The following LRRC18 variants were observed in gnomAD, a reference collection of about 807,000 sequenced individuals.
LRRC18 encodes the protein leucine-rich repeat-containing protein 18.
LRRC18 carries 12 observed loss-of-function variants against 11.2 expected under a neutral mutation model. That is an observed-to-expected ratio of 1.07 (90% CI 0.69 to 1.74). The LOEUF (loss-of-function observed/expected upper bound fraction) is 1.74. Ranked by LOEUF, LRRC18 falls within the 40% of genes most tolerant of loss-of-function variation. The pLI is 0.00. For synonymous variants in LRRC18, 155 were observed against 130.6 expected (o/e 1.19, Z -1.27); for missense variants, 374 against 330.5 (o/e 1.13, Z -1.02).
At chr10:48,936,657 G>A in the LRRC18 span, among the ~76,000 whole-genome samples, 6 of 151,878 alleles carry the variant, frequency 4.0e-5, 1 homozygote, top group African/African-American at 1.4e-4. Context: ...CTAACACAGT[G>A]AAACCCCGTC....
the LRRC18 span, among the ~76,000 whole-genome samples, chr10:48,926,612 G>A: frequency 2.0e-5 from 3 of 152,140 alleles, no homozygotes; most frequent in African/African-American, 7.2e-5. Context: ...CCCATTGTCT[G>A]CTCACTCCAC....
the LRRC18 span, among the ~76,000 whole-genome samples, chr10:48,936,086 A>C: frequency 1.3e-5 from 2 of 152,208 alleles, no homozygotes. Flanking sequence ...ATTAGAAAAT[A>C]AATTAACTAG....
chr10:48,937,978 G>A, the LRRC18 span, among the ~76,000 whole-genome samples: 1 of 152,180 alleles, frequency 6.6e-6, no homozygotes, highest in African/African-American at 2.4e-5. Flanking sequence ...CCCTACCCAG[G>A]AAGCCTCGCC....
At chr10:48,937,131 T>G in the LRRC18 span, among the ~76,000 whole-genome samples, 39 of 152,060 alleles carry the variant, frequency 2.6e-4, no homozygotes, top group African/African-American at 9.2e-4. Context: ...TGACCTCAGG[T>G]GATCCGCCCA....
At chr10:48,915,444 A>G (rs1391057643), upstream of LRRC18, among the ~76,000 whole-genome samples, 1 of 151,668 alleles carries the variant, frequency 6.6e-6, no homozygotes, top group Non-Finnish European at 1.5e-5. Flanking sequence ...AAGATTTCCA[A>G]ACCAGGCAGA....
At chr10:48,923,506 A>ATATATG in the LRRC18 span, among the ~76,000 whole-genome samples, 572 of 115,166 alleles carry the variant, frequency 5.0e-3, 81 homozygotes, top group Non-Finnish European at 8.9e-3. Context: ...GTATATATAT[A>ATATATG]TATATATGTC....
At chr10:48,910,901 A>T in intron 1 of LRRC18, 2 of 985,240 alleles carry the variant, frequency 2.0e-6, no homozygotes, top group Non-Finnish European at 2.4e-6. Flanking sequence ...TGTAACCTCG[A>T]TGTTTCTCTT....
intron 1 of LRRC18, 106 bp downstream of exon 3, chr10:48,913,286 G>T: frequency 9.4e-7 from 1 of 1,061,760 alleles, no homozygotes; most frequent in Non-Finnish European, 1.4e-6. Flanking sequence ...GGCTGAAAGA[G>T]CTGCTGCAGC....
the LRRC18 span, among the ~76,000 whole-genome samples, chr10:48,939,114 C>T: frequency 2.6e-5 from 4 of 152,192 alleles, no homozygotes; most frequent in Non-Finnish European, 5.9e-5. Context: ...TGAGCAGGTG[C>T]CCAGGTTCCC....
At chr10:48,936,190 A>T in the LRRC18 span, among the ~76,000 whole-genome samples, 18 of 152,180 alleles carry the variant, frequency 1.2e-4, no homozygotes, top group African/African-American at 4.1e-4. Context: ...AATGACTTCA[A>T]TTTAGAAATA....
chr10:48,916,944 A>G (rs578167741), upstream of LRRC18, among the ~76,000 whole-genome samples: 46 of 151,796 alleles, frequency 3.0e-4, no homozygotes, highest in African/African-American at 1.1e-3. Context: ...GTTTTGGTCA[A>G]TGACAGATTG....
intron 1 of LRRC18, among the ~76,000 whole-genome samples, chr10:48,910,614 C>T (rs1039508680): frequency 2.0e-5 from 3 of 152,162 alleles, no homozygotes; most frequent in Admixed American, 2.0e-4. Flanking sequence ...CATTTCCTGG[C>T]TAAAGAGGTG....
the LRRC18 span, among the ~76,000 whole-genome samples, chr10:48,924,006 G>A: frequency 6.6e-6 from 1 of 152,226 alleles, no homozygotes; most frequent in African/African-American, 2.4e-5. Context: ...TGATGAGGAA[G>A]CAGCACGGAG....
the LRRC18 span, among the ~76,000 whole-genome samples, chr10:48,932,937 A>T: frequency 6.6e-6 from 1 of 152,278 alleles, no homozygotes; most frequent in East Asian, 1.9e-4. Context: ...GAGGGCGAAG[A>T]GCTGAGCAAG....
chr10:48,920,139 T>C, the LRRC18 span, among the ~76,000 whole-genome samples: 1 of 152,028 alleles, frequency 6.6e-6, no homozygotes, highest in African/African-American at 2.4e-5. Flanking sequence ...AAAAAGATCT[T>C]ATAATTGATG....
chr10:48,928,353 C>CATGTGTGT, the LRRC18 span, among the ~76,000 whole-genome samples: 1 of 124,962 alleles, frequency 8.0e-6, no homozygotes. Flanking sequence ...TTGGTTTTGA[C>CATGTGTGT]GTGTGTGTGT....
Position 48,910,277 on chromosome 10 carries a change from G to A in LRRC18, c.765-19C>T, listed in dbSNP as rs1564472719. On this transcript the variant is annotated intron_variant, in intron 1 of 1. Transcript: ENST00000374160. ...GCGTATTCTGGGGATGGAGACACAA[G>A]AAGGTGAGGCAATTGCTCCAGGCCA... 6.3e-7 allele frequency: 1 copy of A among 1,596,582 alleles called. No homozygotes were observed. The highest frequency in any genetic ancestry group is 8.6e-7 in the Non-Finnish European group (1 of 1,168,900).
chr10:48,916,871 A>ATG (rs55891907), upstream of LRRC18, among the ~76,000 whole-genome samples: 913 of 149,378 alleles, frequency 6.1e-3, 3 homozygotes, highest in East Asian at 0.022. Context: ...CTTTAAAAAT[A>ATG]TGTGTGTGTG....
chr10:48,930,890 A>G, the LRRC18 span, among the ~76,000 whole-genome samples: 135,280 of 152,154 alleles, frequency 0.89, 61,584 homozygotes, highest in East Asian at 1. Flanking sequence ...GTTCTCTGGC[A>G]CACATGCACC....
Sources: gnomAD v4.1 joint callset for allele counts (sites outside exome capture counted in the v4.1 genomes callset) on GRCh38, gnomAD v4.1.1 for gene constraint, MANE v1.5 for transcripts, NCBI Gene and HGNC (gene_info 2026-07-23, HGNC 2026-07-21) for gene names.